GRM3: variants seen among roughly 807,000 people sequenced by gnomAD.
The protein encoded by GRM3 is metabotropic glutamate receptor 3.
A neutral mutation model predicts 70.5 loss-of-function variants in GRM3; 26 were observed. The ratio of observed to expected loss-of-function variants is 0.37; its 90% confidence interval spans 0.27 to 0.51. The LOEUF is 0.51. Ranked by LOEUF, GRM3 falls within the 20% of genes least tolerant of loss-of-function variation. The pLI is 0.93. For missense variants in GRM3, 859 were observed against 1,123.8 expected (o/e 0.76, Z 3.37); for synonymous variants, 443 against 434.9 (o/e 1.02, Z -0.23).
chr7:86,752,566 C>G (rs920138864), intron 1 of GRM3, among the ~76,000 whole-genome samples: 4 of 151,958 alleles, frequency 2.6e-5, no homozygotes, highest in African/African-American at 9.7e-5. Flanking sequence ...ATGTGTACAA[C>G]AAGATAGTAG....
rs114561283 is a variant in GRM3 at position 86,743,967 on chromosome 7, C to A, written c.-140-21039C>A. On this transcript the variant is annotated intron_variant, in intron 1 of 5. Transcript: ENST00000361669. The stretch of plus-strand genomic sequence containing the variant: ...AGCACATTCACAAGCATTATCTCAA[C>A]TAGGTTCACAAATGACATTCTGGGG... 1.2e-3 allele frequency among the ~76,000 whole-genome samples: 187 copies of A among 152,248 alleles called. 2 individuals are homozygous for A. Among genetic ancestry groups the A allele is most frequent in the African/African-American group, 4.3e-3 (179 of 41,564 alleles).
chr7:86,704,554 T>C (rs568804603), intron 1 of GRM3, among the ~76,000 whole-genome samples: 4 of 152,014 alleles, frequency 2.6e-5, no homozygotes, highest in African/African-American at 7.2e-5. Flanking sequence ...ATCAAACATT[T>C]AGTAGTTTGC....
chr7:86,734,061 C>T (rs1185110525), intron 1 of GRM3, among the ~76,000 whole-genome samples: 5 of 152,096 alleles, frequency 3.3e-5, no homozygotes, highest in Admixed American at 2.0e-4. Context: ...TTTACTGAGA[C>T]TGTGTTTATT....
At chr7:86,675,552 A>G (rs2115930569) in intron 1 of GRM3, among the ~76,000 whole-genome samples, 1 of 152,152 alleles carries the variant, frequency 6.6e-6, no homozygotes, top group South Asian at 2.1e-4. Context: ...CTATAGCCAG[A>G]TCTGGACTTA....
At chr7:86,657,817 A>C (rs1015193473) in intron 1 of GRM3, among the ~76,000 whole-genome samples, 1 of 152,206 alleles carries the variant, frequency 6.6e-6, no homozygotes, top group Non-Finnish European at 1.5e-5. Flanking sequence ...CATAAAGATG[A>C]ATAGTGCCTG....
At chr7:86,787,672 C>T (rs1191367568) in intron 3 of GRM3, among the ~76,000 whole-genome samples, 3 of 152,086 alleles carry the variant, frequency 2.0e-5, no homozygotes, top group African/African-American at 4.8e-5. Flanking sequence ...TTCTGCTATA[C>T]CAAAACATTT....
intron 1 of GRM3, among the ~76,000 whole-genome samples, chr7:86,646,005 G>GGGGGT (rs1793458167): frequency 2.4e-5 from 1 of 42,410 alleles, no homozygotes; most frequent in Admixed American, 3.5e-4. Flanking sequence ...GGGTGGGGGG[G>GGGGGT]TGGGGGGGGG....
chr7:86,740,809 T>A (rs890452531), intron 1 of GRM3, among the ~76,000 whole-genome samples: 2 of 152,198 alleles, frequency 1.3e-5, no homozygotes, highest in African/African-American at 4.8e-5. Context: ...AAAACCTGCG[T>A]TGGTTGGTCT....
At chr7:86,758,635 C>G (rs546044827) in intron 1 of GRM3, among the ~76,000 whole-genome samples, 2 of 152,222 alleles carry the variant, frequency 1.3e-5, no homozygotes, top group South Asian at 4.1e-4. Context: ...AGTCACTCAA[C>G]AAAGTGAATA....
intron 1 of GRM3, among the ~76,000 whole-genome samples, chr7:86,756,361 G>A (rs1012217548): frequency 6.6e-6 from 1 of 152,258 alleles, no homozygotes; most frequent in African/African-American, 2.4e-5. Flanking sequence ...TTACAGACAT[G>A]AGCCACGGTG....
intron 1 of GRM3, among the ~76,000 whole-genome samples, chr7:86,663,610 T>C (rs1283342120): frequency 1.3e-5 from 2 of 151,984 alleles, no homozygotes; most frequent in African/African-American, 2.4e-5. Flanking sequence ...AACTGAATTA[T>C]GTCTTTTTTT....
At chr7:86,831,844 A>G (rs1167039847) in intron 3 of GRM3, among the ~76,000 whole-genome samples, 2 of 150,018 alleles carry the variant, frequency 1.3e-5, no homozygotes, top group Non-Finnish European at 3.0e-5. Context: ...TCAAACATTC[A>G]CTTTCTCTGT....
intron 4 of GRM3, among the ~76,000 whole-genome samples, chr7:86,846,955 C>T (rs1160670854): frequency 6.6e-6 from 1 of 152,134 alleles, no homozygotes; most frequent in African/African-American, 2.4e-5. Flanking sequence ...CTAGCAAAAA[C>T]CTTTATGACT....
intron 1 of GRM3, among the ~76,000 whole-genome samples, chr7:86,651,957 G>A (rs1250804982): frequency 6.6e-6 from 1 of 152,086 alleles, no homozygotes; most frequent in Non-Finnish European, 1.5e-5. Context: ...ACCACATAAC[G>A]TACTAACCCT....
intron 1 of GRM3, among the ~76,000 whole-genome samples, chr7:86,661,653 GA>G (rs1161074296): frequency 6.6e-6 from 1 of 151,842 alleles, no homozygotes; most frequent in African/African-American, 2.4e-5. Context: ...ATTTTTAGAA[GA>G]AAAAATTACT....
intron 3 of GRM3, among the ~76,000 whole-genome samples, chr7:86,829,399 C>A (rs190853762): frequency 3.9e-5 from 6 of 152,310 alleles, no homozygotes; most frequent in African/African-American, 1.4e-4. Flanking sequence ...CCTTCAAGAA[C>A]TTTTCTTTTG....
intron 5 of GRM3, among the ~76,000 whole-genome samples, chr7:86,856,423 G>A (rs1275577785): frequency 6.9e-6 from 1 of 145,646 alleles, no homozygotes; most frequent in Non-Finnish European, 1.5e-5. Flanking sequence ...TCCAGCCTGG[G>A]AGACAGAGCA....
intron 1 of GRM3, among the ~76,000 whole-genome samples, chr7:86,688,045 A>G (rs1419138021): frequency 6.6e-6 from 1 of 151,732 alleles, no homozygotes; most frequent in Admixed American, 6.6e-5. Context: ...TATTTAAAGT[A>G]AATGGAGTCA....
intron 4 of GRM3, among the ~76,000 whole-genome samples, chr7:86,846,752 T>A (rs1468399715): frequency 6.6e-6 from 1 of 152,188 alleles, no homozygotes; most frequent in Non-Finnish European, 1.5e-5. Flanking sequence ...TTGGTCAACA[T>A]GTTTGCTAGT....
Sources: allele counts gnomAD v4.1 joint callset (sites outside exome capture counted in the v4.1 genomes callset), GRCh38; gene constraint gnomAD v4.1.1; transcripts MANE v1.5; gene names NCBI Gene and HGNC (gene_info 2026-07-23, HGNC 2026-07-21).